PSG7: variants seen among roughly 807,000 people sequenced by gnomAD.
The protein encoded by PSG7 is pregnancy-specific beta-1-glycoprotein 7.
PSG7 carries 57 observed loss-of-function variants against 45.6 expected under a neutral mutation model. That is an observed-to-expected ratio of 1.25 (90% confidence interval 1.01 to 1.56). The LOEUF is 1.56. PSG7 is among the 40% of genes most tolerant of loss of function. PSG7 has a pLI of 0.00. For synonymous variants in PSG7, 298 were observed against 194.4 expected (o/e 1.53, Z -4.43); for missense variants, 796 against 508.4 (o/e 1.57, Z -5.44).
intron 3 of PSG7, chr19:42,927,459 T>A (rs1657898619): frequency 6.6e-6 from 1 of 152,100 alleles, no homozygotes; most frequent in African/African-American, 2.4e-5. Context: ...CTGGGTTCTT[T>A]AAGTTTCCTC....
At chr19:42,930,369 G>A in intron 2 of PSG7, among the ~76,000 whole-genome samples, 1 of 151,568 alleles carries the variant, frequency 6.6e-6, no homozygotes, top group Non-Finnish European at 1.5e-5. Context: ...AGATAGAGCA[G>A]AGTCCAAGGA....
At chr19:42,935,058 G>T (rs571246400) in intron 2 of PSG7, among the ~76,000 whole-genome samples, 2 of 151,578 alleles carry the variant, frequency 1.3e-5, no homozygotes, top group African/African-American at 2.4e-5. Flanking sequence ...GGTCTCAGGG[G>T]GCCCCTCAGG....
Position 42,937,065 on chromosome 19 carries a change from G to T in PSG7, c.12C>A (p.Leu4=). Residue 4 remains leucine, a synonymous_variant, in exon 1 of 6, where the codon CTC becomes CTA. Transcript: ENST00000406070. The part of the protein sequence containing the change: MGP[L]SAPPCTQHIT... ...TATGCTGTGTGCAGGGAGGGGCTGA[G>T]AGGGGCCCCATGGTCTCTGCTCCCT... 1 of 1,611,406 alleles carries T rather than the reference G, an allele frequency of 6.2e-7. No individual in the cohort carries two copies. The highest frequency in any genetic ancestry group is 8.5e-7 in the Non-Finnish European group (1 of 1,178,484).
rs1202628325 is a variant in PSG7 at position 42,925,778 on chromosome 19, A to G, written c.1238T>C (p.Val413Ala). The change falls in exon 5 of 6, where the codon GTC becomes GCC. Residue 413 changes from valine to alanine, a missense_variant. Transcript: ENST00000406070. ...GGATGCTGGGATCCACTTACCAGAGACTCTGACTGTCACGGATTTGGAGCT... is the reference window on the plus strand; with the variant it reads ...GGATGCTGGGATCCACTTACCAGAGGCTCTGACTGTCACGGATTTGGAGCT... Reference protein sequence around the residue: ...KESSKSVTVRVSDWTLP With the variant: ...KESSKSVTVRASDWTLP 5 of 1,611,888 alleles carry G rather than the reference A, an allele frequency of 3.1e-6. No individual in the cohort carries two copies. The highest frequency in any genetic ancestry group is 4.5e-5 in the East Asian group (2 of 44,784).
intron 2 of PSG7, among the ~76,000 whole-genome samples, chr19:42,930,837 C>G (rs1973004858): frequency 6.6e-6 from 1 of 151,538 alleles, no homozygotes. Context: ...CTAGAGATCT[C>G]CTGTACAGCC....
intron 2 of PSG7, among the ~76,000 whole-genome samples, chr19:42,931,495 A>G (rs1314595128): frequency 6.6e-6 from 1 of 151,654 alleles, no homozygotes; most frequent in African/African-American, 2.4e-5. Context: ...CCTGCTTATA[A>G]TTTCTGGGCA....
At chr19:42,935,247 T>C (rs1000316294) in intron 2 of PSG7, among the ~76,000 whole-genome samples, 157 bp downstream of exon 2, 2 of 151,846 alleles carry the variant, frequency 1.3e-5, no homozygotes, top group Admixed American at 1.3e-4. Flanking sequence ...TTGAAATTTG[T>C]CTCCTCTGTG....
Position 42,924,707 on chromosome 19 carries a change from A to T in PSG7, c.*101T>A, listed in dbSNP as rs951833286. The T allele has an allele frequency of 4.4e-5, 34 of 765,612 alleles. 3 individuals carry two copies. In the African/African-American group the frequency reaches 4.6e-4, roughly 10 times the overall value. The allele number at this position is 765,612 out of a possible 1,614,324, so 47.4% of individuals were successfully genotyped here. On this transcript the variant is annotated 3_prime_UTR_variant, in exon 6 of 6. Coordinates refer to ENST00000406070, the MANE Select transcript of PSG7 (RefSeq NM_002783.3). ...ACAAGGATTTTCCCATGAAATTTAC[A>T]TTGAGTTGTCCAACTCTGACTTATA...
rs1180417760 is a variant in PSG7 at position 42,933,300 on chromosome 19, TATATATA to T, written c.430+2097_430+2103del. ...ATATATATATATATATATATATATATATATATATTTTTTTTTTTTTTTGGTGTATGTA... is the reference window on the plus strand; with the variant it reads ...ATATATATATATATATATATATATATTTTTTTTTTTTTTTTGGTGTATGTA... On this transcript the variant is annotated intron_variant, in intron 2 of 5. Coordinates refer to ENST00000406070, the MANE Select transcript of PSG7 (RefSeq NM_002783.3). Among the ~76,000 whole-genome samples, 91 of 20,416 alleles carry T rather than the reference TATATATA, an allele frequency of 4.5e-3. 2 individuals are homozygous for T. Among genetic ancestry groups the T allele is most frequent in the Middle Eastern group, 0.028 (1 of 36 alleles). 13.4% of individuals were successfully genotyped at this position (20,416 alleles called of 152,430 possible). A position where few individuals can be genotyped will look rare whatever the true frequency, so the allele number is the denominator to read the frequency against.
intron 2 of PSG7, among the ~76,000 whole-genome samples, chr19:42,934,182 G>A (rs1568460117): frequency 2.6e-5 from 4 of 151,424 alleles, no homozygotes; most frequent in Admixed American, 2.6e-4. Context: ...GTTCAATGAT[G>A]GGTGTTAAGA....
intron 1 of PSG7, chr19:42,936,157 T>C (rs1238415623): frequency 2.8e-5 from 6 of 214,472 alleles, no homozygotes; most frequent in Admixed American, 1.6e-4. Context: ...CCTGGGTCTT[T>C]CCTTTTTGAC....
chr19:42,934,511 G>C lies in PSG7; in HGVS notation c.430+893C>G, dbSNP rs967790814. Among the ~76,000 whole-genome samples the C allele has an allele frequency of 2.1e-4, 32 of 151,658 alleles. 2 individuals are homozygous for C. Among genetic ancestry groups the C allele is most frequent in the Admixed American group, 1.1e-3 (16 of 15,202 alleles). On this transcript the variant is annotated intron_variant, in intron 2 of 5. Coordinates refer to ENST00000406070, the MANE Select transcript of PSG7 (RefSeq NM_002783.3). ...ACTCAGTTTTCTCTCAATCAAATAA[G>C]CTAAATGGCAAATGGACTGTGGCTT...
chr19:42,928,848 A>AAG (rs1972952295), intron 3 of PSG7, among the ~76,000 whole-genome samples: 1 of 151,466 alleles, frequency 6.6e-6, no homozygotes, highest in Non-Finnish European at 1.5e-5. Flanking sequence ...TTATGGATGA[A>AAG]AGAGACATAG....
At position 42,929,168 on chromosome 19, in the gene PSG7, T is replaced by C. The variant is rs1972961508; in HGVS notation, c.709+274A>G. On this transcript the variant is annotated intron_variant, in intron 3 of 5. Coordinates refer to ENST00000406070, the MANE Select transcript of PSG7 (RefSeq NM_002783.3). ...ACTGAAGTCCCAGCCAAATCCCCGC[T>C]GTGTTCATGATCTGGAGCCTGAGAC... 8.5e-6 allele frequency: 6 copies of C among 708,062 alleles called. No individual in the cohort carries two copies. The Admixed American group carries it at 1.9e-4, about 23-fold the overall frequency. 43.9% of individuals were successfully genotyped at this position (708,062 alleles called of 1,614,324 possible).
chr19:42,936,679 A>G (rs1288442941), intron 1 of PSG7, among the ~76,000 whole-genome samples: 1 of 150,556 alleles, frequency 6.6e-6, no homozygotes, highest in Admixed American at 6.7e-5. Context: ...ACGGAGTCTC[A>G]TACTGTCACC....
Position 42,924,377 on chromosome 19 carries a change from G to T in PSG7, c.*431C>A. The T allele has an allele frequency of 2.3e-6, 1 of 433,614 alleles. No individual in the cohort carries two copies. Among genetic ancestry groups the T allele is most frequent in the Non-Finnish European group, 4.0e-6 (1 of 248,094 alleles). 26.9% of individuals were successfully genotyped at this position (433,614 alleles called of 1,614,324 possible). ...TGGAGAGAGCCACATTTCCTCCTGA[G>T]ATGTTATGTAAAAGTCTGAGGTTGA... On this transcript the variant is annotated 3_prime_UTR_variant, in exon 6 of 6. Transcript: ENST00000406070.
intron 3 of PSG7, among the ~76,000 whole-genome samples, chr19:42,928,386 C>G (rs549218147): frequency 1.3e-5 from 2 of 151,672 alleles, no homozygotes; most frequent in South Asian, 4.2e-4. Context: ...TATTTTCTTT[C>G]TAACAATATT....
At chr19:42,931,111 TC>T (rs1326079504) in intron 2 of PSG7, among the ~76,000 whole-genome samples, 4 of 151,602 alleles carry the variant, frequency 2.6e-5, no homozygotes, top group Admixed American at 1.3e-4. Flanking sequence ...ACTGTAATTT[TC>T]CCATAAAATG....
intron 2 of PSG7, among the ~76,000 whole-genome samples, chr19:42,933,297 ATATATATATATTTT>A (rs1191747701): frequency 7.5e-5 from 1 of 13,250 alleles, no homozygotes; most frequent in African/African-American, 2.0e-4. Context: ...ATATATATAT[ATATATATATATTTT>A]TTTTTTTTTT....
Sources: allele counts gnomAD v4.1 joint callset (sites outside exome capture counted in the v4.1 genomes callset), GRCh38; gene constraint gnomAD v4.1.1; transcripts MANE v1.5; gene names NCBI Gene and HGNC (gene_info 2026-07-23, HGNC 2026-07-21).